The following SOX5 variants were observed in gnomAD, a reference collection of about 807,000 sequenced individuals.
The protein encoded by SOX5 is SRY-box transcription factor 5.
SOX5 carries 9 observed loss-of-function variants against 92.0 expected under a neutral mutation model. The ratio of observed to expected loss-of-function variants is 0.10; its 90% CI spans 0.06 to 0.17. SOX5 has a LOEUF of 0.17. Ranked by LOEUF, SOX5 falls within the 10% of genes least tolerant of loss-of-function variation. The probability of loss-of-function intolerance (pLI) is 1.00; values close to 1 mark genes in which losing one functional copy is unlikely to be tolerated. For missense variants in SOX5, 642 were observed against 944.5 expected (o/e 0.68, Z 4.20); for synonymous variants, 344 against 336.3 (o/e 1.02, Z -0.25).
intron 4 of SOX5, among the ~76,000 whole-genome samples, chr12:24,134,785 A>C (rs1290256894): frequency 6.6e-6 from 1 of 152,238 alleles, no homozygotes; most frequent in African/African-American, 2.4e-5. Flanking sequence ...ATAAGTGTTG[A>C]CAATTTATTT....
rs1410711767 is a variant in SOX5, at chr12:24,302,954, T to C, written c.-173-25642A>G. Among the ~76,000 whole-genome samples the C allele has an allele frequency of 6.6e-5, 10 of 152,030 alleles. 1 individual carries two copies. The highest frequency in any genetic ancestry group is 1.5e-4 in the Non-Finnish European group (10 of 67,996). On this transcript the variant is annotated intron_variant, in intron 2 of 4. Transcript: ENST00000446891. ...CAGTAACAAAAACCAAAAAAAAACC[T>C]GATTTTCTGAAAATAATGCACACTC...
intron 4 of SOX5, among the ~76,000 whole-genome samples, chr12:24,067,719 C>T (rs73072174): frequency 0.19 from 28,657 of 152,040 alleles, 3,149 homozygotes; most frequent in Middle Eastern, 0.32. Context: ...TCTTTGATAG[C>T]TCTCAATACT....
chr12:24,392,355 T>C (rs1959078334), intron 1 of SOX5, among the ~76,000 whole-genome samples: 1 of 152,156 alleles, frequency 6.6e-6, no homozygotes, highest in Non-Finnish European at 1.5e-5. Flanking sequence ...ATCCAAGTGA[T>C]CTTACTATGC....
intron 13 of SOX5, among the ~76,000 whole-genome samples, chr12:23,539,452 G>C (rs1426574536): frequency 6.6e-6 from 1 of 152,112 alleles, no homozygotes; most frequent in East Asian, 1.9e-4. Flanking sequence ...GATGAGGCAA[G>C]ATCAATCCTC....
Position 24,130,985 on chromosome 12 carries a change from T to C in SOX5, c.-2+82358A>G, listed in dbSNP as rs149012056. ...CTGAAACCTGTACTGCCTTCTGAGT[T>C]CCAGCTACACTATTGCCATTCATCT... On this transcript the variant is annotated intron_variant, in intron 4 of 4. Transcript: ENST00000446891. Among the ~76,000 whole-genome samples the C allele has an allele frequency of 2.8e-3, 419 of 152,294 alleles. 11 individuals are homozygous for C. In the East Asian group the frequency reaches 0.052, roughly 19 times the overall value.
intron 3 of SOX5, among the ~76,000 whole-genome samples, chr12:24,241,571 G>T (rs1030898288): frequency 3.3e-5 from 5 of 151,490 alleles, no homozygotes; most frequent in Non-Finnish European, 7.4e-5. Context: ...GCTGTACAAG[G>T]TATGCTCTGC....
rs776887027 is a variant in SOX5 at position 24,425,637 on chromosome 12, C to A, written c.-250-56998G>T. 6.9e-4 allele frequency among the ~76,000 whole-genome samples: 105 copies of A among 152,260 alleles called. 1 individual carries two copies. The highest frequency in any genetic ancestry group is 2.1e-4 in the Non-Finnish European group (14 of 68,018). ...GAGTTTAGTTGCTGTAGACAATTTTCCCCCAAATAGAAAATGTAAAAGAAC... is the reference window on the plus strand; with the variant it reads ...GAGTTTAGTTGCTGTAGACAATTTTACCCCAAATAGAAAATGTAAAAGAAC... On this transcript the variant is annotated intron_variant, in intron 1 of 4. Transcript: ENST00000446891.
At chr12:24,158,371 C>T (rs1267277272) in intron 4 of SOX5, among the ~76,000 whole-genome samples, 3 of 151,758 alleles carry the variant, frequency 2.0e-5, no homozygotes, top group Non-Finnish European at 4.4e-5. Flanking sequence ...AAAATAAATA[C>T]GACTGAATTA....
chr12:23,977,334 G>T (rs1949028875), intron 4 of SOX5, among the ~76,000 whole-genome samples: 1 of 152,104 alleles, frequency 6.6e-6, no homozygotes, highest in African/African-American at 2.4e-5. Flanking sequence ...AAAAAGTAAA[G>T]TCAATGGGAC....
chr12:23,633,980 C>G (rs942302835), intron 8 of SOX5, among the ~76,000 whole-genome samples: 1 of 151,066 alleles, frequency 6.6e-6, no homozygotes, highest in Admixed American at 6.6e-5. Flanking sequence ...GCAGGAGAGA[C>G]AGAGAGCTGT....
chr12:24,183,009 T>A (rs1955665361), intron 4 of SOX5, among the ~76,000 whole-genome samples: 1 of 152,162 alleles, frequency 6.6e-6, no homozygotes, highest in Non-Finnish European at 1.5e-5. Context: ...CCACCACGGC[T>A]GGCCCAAAAT....
At chr12:24,526,009 C>A (rs1950675897) in intron 1 of SOX5, among the ~76,000 whole-genome samples, 1 of 151,908 alleles carries the variant, frequency 6.6e-6, no homozygotes, top group Non-Finnish European at 1.5e-5. Context: ...TAGCTGGGAC[C>A]ACAAGCACGC....
At chr12:24,484,089 G>A (rs1160758181) in intron 1 of SOX5, among the ~76,000 whole-genome samples, 1 of 152,074 alleles carries the variant, frequency 6.6e-6, no homozygotes, top group Non-Finnish European at 1.5e-5. Context: ...GAGAGTCCCA[G>A]GTCTCAAAAG....
rs527892706 is a variant in SOX5, at chr12:24,079,193, TA to T, written c.-2+134149del. On this transcript the variant is annotated intron_variant, in intron 4 of 4. Transcript: ENST00000446891. ...GATAGAAATGCTCTAACAATAAAATTAAAAAAAAAAAACCAGCTTCAGAATT... is the reference window on the plus strand; with the variant it reads ...GATAGAAATGCTCTAACAATAAAATTAAAAAAAAAAACCAGCTTCAGAATT... 3.1e-3 allele frequency among the ~76,000 whole-genome samples: 453 copies of T among 144,242 alleles called. 2 individuals are homozygous for T. The highest frequency in any genetic ancestry group is 9.7e-3 in the African/African-American group (381 of 39,360). 94.6% of individuals were successfully genotyped at this position (144,242 alleles called of 152,430 possible). A position where few individuals can be genotyped will look rare whatever the true frequency, so the allele number is the denominator to read the frequency against.
intron 4 of SOX5, among the ~76,000 whole-genome samples, chr12:24,066,687 T>C (rs1940806644): frequency 6.6e-6 from 1 of 152,166 alleles, no homozygotes. Flanking sequence ...TAAAACCATA[T>C]CTGGTATAAA....
At chr12:24,476,624 C>T (rs907180517) in intron 1 of SOX5, among the ~76,000 whole-genome samples, 4 of 152,174 alleles carry the variant, frequency 2.6e-5, no homozygotes, top group Admixed American at 6.5e-5. Flanking sequence ...TCCTCCAGCC[C>T]AGGCCCCCAC....
chr12:24,455,801 C>T (rs973689795), intron 1 of SOX5, among the ~76,000 whole-genome samples: 2 of 152,142 alleles, frequency 1.3e-5, no homozygotes, highest in Admixed American at 6.5e-5. Context: ...TTCCAGCTGC[C>T]GGGAGGTCTG....
intron 1 of SOX5, among the ~76,000 whole-genome samples, chr12:24,405,023 G>A (rs1390855363): frequency 6.6e-6 from 1 of 152,058 alleles, no homozygotes; most frequent in Non-Finnish European, 1.5e-5. Flanking sequence ...AAAAAGAAGG[G>A]CCCAGAACAG....
chr12:23,737,833 G>A (rs1447433024), intron 5 of SOX5, among the ~76,000 whole-genome samples: 1 of 152,092 alleles, frequency 6.6e-6, no homozygotes, highest in African/African-American at 2.4e-5. Flanking sequence ...ACAGCCCCAT[G>A]GCTCACTCCT....
Sources: allele counts gnomAD v4.1 joint callset (sites outside exome capture counted in the v4.1 genomes callset), GRCh38; gene constraint gnomAD v4.1.1; transcripts MANE v1.5; gene names NCBI Gene and HGNC (gene_info 2026-07-23, HGNC 2026-07-21).